The following MAP7 variants were observed in gnomAD, a reference collection of about 807,000 sequenced individuals.
The protein encoded by MAP7 is ensconsin.
MAP7 carries 52 observed loss-of-function variants against 94.8 expected under a neutral mutation model. The observed-to-expected ratio is 0.55, with a 90% CI of 0.44 to 0.69. MAP7 has a LOEUF of 0.69. Among genes scored for constraint, MAP7 ranks in the 30% least tolerant of loss-of-function variants. The pLI is 0.00. For missense variants in MAP7, 940 were observed against 964.6 expected, an observed-to-expected ratio of 0.97 and a Z score of 0.34; for synonymous variants, 350 against 357.0, an observed-to-expected ratio of 0.98 and a Z score of 0.22.
chr6:136,403,002 C>T (rs1784614191), intron 3 of MAP7, among the ~76,000 whole-genome samples: 2 of 149,798 alleles, frequency 1.3e-5, no homozygotes, highest in Admixed American at 6.6e-5. Flanking sequence ...GAATGTTAGC[C>T]TTCACTAAAA....
chr6:136,388,398 C>A lies in MAP7; in HGVS notation c.521G>T (p.Ser174Ile). The change falls in exon 5 of 18, where the codon AGT becomes ATT. Residue 174 changes from serine to isoleucine, a missense_variant. Transcript: ENST00000354570. ...TCAAAGTGGTCACTGTTTACCTGCA[C>A]TGTGGATGCTAGGGCTCCCATGGAG... The part of the protein sequence containing the change: ...GSLHGSPSIH[S>I]ADPDRRSVST... The A allele has an allele frequency of 6.2e-7, 1 of 1,613,118 alleles. No individual in the cohort carries two copies. Among genetic ancestry groups the A allele is most frequent in the Non-Finnish European group, 8.5e-7 (1 of 1,179,204 alleles).
chr6:136,461,309 C>T (rs889487774), intron 1 of MAP7, among the ~76,000 whole-genome samples: 2 of 152,118 alleles, frequency 1.3e-5, no homozygotes, highest in Admixed American at 6.5e-5. Context: ...ATGACTGAAA[C>T]ATTATTACTG....
chr6:136,451,052 T>A (rs1008997495), intron 1 of MAP7, among the ~76,000 whole-genome samples: 1 of 152,156 alleles, frequency 6.6e-6, no homozygotes, highest in South Asian at 2.1e-4. Context: ...ATAAAGGGAA[T>A]CTCCATTTGT....
intron 7 of MAP7, 83 bp from the exon 8 acceptor site, chr6:136,372,708 C>A: frequency 1.3e-6 from 2 of 1,580,712 alleles, no homozygotes; most frequent in Non-Finnish European, 8.7e-7. Flanking sequence ...TTGAAGAAAG[C>A]CAAAAGCAGG....
At chr6:136,504,380 ACT>A (rs1275639427) in intron 1 of MAP7, among the ~76,000 whole-genome samples, 1 of 151,334 alleles carries the variant, frequency 6.6e-6, no homozygotes, top group Non-Finnish European at 1.5e-5. Context: ...ACAGAGCCTC[ACT>A]CTGTCACCCA....
chr6:136,429,436 A>G (rs547315117), intron 1 of MAP7, among the ~76,000 whole-genome samples: 55 of 152,230 alleles, frequency 3.6e-4, no homozygotes, highest in Non-Finnish European at 7.6e-4. Flanking sequence ...GCATGTGAAC[A>G]TTACAGCCTC....
intron 1 of MAP7, among the ~76,000 whole-genome samples, chr6:136,422,383 A>C (rs1448501247): frequency 6.6e-6 from 1 of 152,138 alleles, no homozygotes; most frequent in Non-Finnish European, 1.5e-5. Context: ...GGGGTGCTGG[A>C]GGGAGGCTGT....
chr6:136,370,055 T>C (rs1795222887), intron 8 of MAP7, among the ~76,000 whole-genome samples: 1 of 152,170 alleles, frequency 6.6e-6, no homozygotes, highest in African/African-American at 2.4e-5. Context: ...TACTAGAATA[T>C]ATAAATAACT....
intron 2 of MAP7, among the ~76,000 whole-genome samples, chr6:136,418,377 G>T (rs964474023): frequency 9.9e-5 from 15 of 152,092 alleles, no homozygotes; most frequent in African/African-American, 3.4e-4. Context: ...ACCATGCCTG[G>T]CTAATTTTTG....
At chr6:136,541,281 G>A (rs1829293957) in intron 1 of MAP7, among the ~76,000 whole-genome samples, 1 of 152,146 alleles carries the variant, frequency 6.6e-6, no homozygotes, top group African/African-American at 2.4e-5. Flanking sequence ...AGGTGCTAAG[G>A]AAGGGCTCCT....
chr6:136,531,755 T>G (rs1828487831), intron 1 of MAP7, among the ~76,000 whole-genome samples: 1 of 122,090 alleles, frequency 8.2e-6, no homozygotes, highest in South Asian at 2.2e-4. Context: ...CAGACACCCC[T>G]CTAGCAGTGT....
At chr6:136,401,770 TAAAGTA>T (rs1562358064) in intron 3 of MAP7, among the ~76,000 whole-genome samples, 1 of 151,028 alleles carries the variant, frequency 6.6e-6, no homozygotes, top group African/African-American at 2.4e-5. Flanking sequence ...CCCAAGAACT[TAAAGTA>T]TAATTAAAAA....
At chr6:136,545,301 T>C (rs1273990107) in intron 1 of MAP7, 1 of 151,014 alleles carries the variant, frequency 6.6e-6, no homozygotes, top group Non-Finnish European at 1.5e-5. Context: ...AGGTGCACCC[T>C]TCCCAAAGCA....
intron 16 of MAP7, among the ~76,000 whole-genome samples, chr6:136,351,676 C>T (rs183763711): frequency 1.3e-5 from 2 of 152,184 alleles, no homozygotes; most frequent in African/African-American, 4.8e-5. Context: ...AATATTCAAA[C>T]AGCTGAAGGA....
chr6:136,531,038 CTAAA>C (rs1232503440), intron 1 of MAP7, among the ~76,000 whole-genome samples: 1 of 144,826 alleles, frequency 6.9e-6, no homozygotes, highest in Non-Finnish European at 1.5e-5. Flanking sequence ...AAACCCTTTC[CTAAA>C]TGTTAGGTGT....
In MAP7 at chr6:136,352,559, T is replaced by C. The variant is rs556269453; in HGVS notation, c.2015+4133A>G. ...TCCCACAAGTGCTCTTTATTTCTTA[T>C]AAGCCAAACCAAAATCATAGTTACT... On this transcript the variant is annotated intron_variant, in intron 16 of 17. Transcript: ENST00000354570. Among the ~76,000 whole-genome samples, 108 of 152,292 alleles carry C rather than the reference T, an allele frequency of 7.1e-4. 1 individual carries two copies. The South Asian group carries it at 0.021, about 30-fold the overall frequency.
chr6:136,414,536 T>C (rs1788718115), intron 2 of MAP7, among the ~76,000 whole-genome samples: 1 of 152,058 alleles, frequency 6.6e-6, no homozygotes, highest in Non-Finnish European at 1.5e-5. Context: ...AATGGCATTT[T>C]AAAGAAAGAA....
At chr6:136,442,896 C>T (rs1376507351) in intron 1 of MAP7, among the ~76,000 whole-genome samples, 1 of 152,054 alleles carries the variant, frequency 6.6e-6, no homozygotes, top group African/African-American at 2.4e-5. Flanking sequence ...TCCTCTAGCA[C>T]CTGGTAAAGT....
intron 1 of MAP7, among the ~76,000 whole-genome samples, chr6:136,538,911 T>G (rs993367485): frequency 6.6e-6 from 1 of 151,958 alleles, no homozygotes; most frequent in Non-Finnish European, 1.5e-5. Context: ...CCTGGAACAT[T>G]TGACAGGTAA....
Sources: gnomAD v4.1 joint callset for allele counts (sites outside exome capture counted in the v4.1 genomes callset) on GRCh38, gnomAD v4.1.1 for gene constraint, MANE v1.5 for transcripts, NCBI Gene and HGNC (gene_info 2026-07-23, HGNC 2026-07-21) for gene names.